The following SUPT3H variants were observed in gnomAD, a reference collection of about 807,000 sequenced individuals.
SUPT3H encodes the protein transcription initiation protein SPT3 homolog.
Under a neutral mutation model 44.3 loss-of-function variants are expected in SUPT3H, and 44 were observed. That is an observed-to-expected ratio of 0.99 (90% CI 0.78 to 1.28). SUPT3H has a LOEUF of 1.28. Ranked by LOEUF, SUPT3H falls within the 50% of genes most tolerant of loss-of-function variation. The pLI is 0.00. For synonymous variants in SUPT3H, 124 were observed against 125.6 expected (o/e 0.99, Z 0.09); for missense variants, 380 against 387.1 (o/e 0.98, Z 0.15).
At chr6:44,928,404 G>A (rs1562063724) in intron 10 of SUPT3H, among the ~76,000 whole-genome samples, 1 of 152,130 alleles carries the variant, frequency 6.6e-6, no homozygotes, top group Non-Finnish European at 1.5e-5. Context: ...TATACAGAAA[G>A]TGAGGTACGG....
intron 2 of SUPT3H, among the ~76,000 whole-genome samples, chr6:45,194,256 C>T (rs1815635615): frequency 6.6e-6 from 1 of 151,948 alleles, no homozygotes; most frequent in Admixed American, 6.6e-5. Flanking sequence ...AAACACAACA[C>T]ATGTATCCCT....
intron 9 of SUPT3H, among the ~76,000 whole-genome samples, chr6:44,945,144 T>A (rs1471741797): frequency 2.0e-5 from 3 of 152,178 alleles, no homozygotes; most frequent in Non-Finnish European, 4.4e-5. Context: ...ACTATTGTAA[T>A]TGTCTTGGGG....
chr6:45,358,295 A>T (rs1487808213), intron 2 of SUPT3H, among the ~76,000 whole-genome samples: 2 of 152,200 alleles, frequency 1.3e-5, no homozygotes, highest in Admixed American at 1.3e-4. Context: ...GCTAAACTTA[A>T]ATAAAATCTA....
chr6:45,038,801 C>T (rs768252293), intron 3 of SUPT3H, among the ~76,000 whole-genome samples: 3 of 151,820 alleles, frequency 2.0e-5, no homozygotes, highest in Non-Finnish European at 2.9e-5. Flanking sequence ...TGTATTATAC[C>T]TTGGTATAAA....
intron 2 of SUPT3H, among the ~76,000 whole-genome samples, chr6:45,143,505 G>A (rs1030965895): frequency 6.6e-6 from 1 of 151,986 alleles, no homozygotes; most frequent in Non-Finnish European, 1.5e-5. Flanking sequence ...TCTTTGAACT[G>A]AATAACAGTG....
At chr6:45,328,874 T>C (rs1246678169) in intron 2 of SUPT3H, 8 of 1,334,970 alleles carry the variant, frequency 6.0e-6, no homozygotes, top group African/African-American at 1.4e-5. Context: ...CTTTTCCAAA[T>C]AGCATATTAA....
At chr6:45,221,335 C>A (rs1034228689) in intron 2 of SUPT3H, among the ~76,000 whole-genome samples, 1 of 152,044 alleles carries the variant, frequency 6.6e-6, no homozygotes, top group East Asian at 1.9e-4. Context: ...CACACCTGCA[C>A]GTTGTGCACA....
At chr6:45,167,046 CA>C (rs1810006525) in intron 2 of SUPT3H, among the ~76,000 whole-genome samples, 1 of 152,076 alleles carries the variant, frequency 6.6e-6, no homozygotes, top group Non-Finnish European at 1.5e-5. Flanking sequence ...ATAAAGTAAT[CA>C]AATAATTTTT....
At chr6:45,076,126 T>C (rs1256736574) in intron 3 of SUPT3H, among the ~76,000 whole-genome samples, 3 of 152,274 alleles carry the variant, frequency 2.0e-5, no homozygotes, top group African/African-American at 7.2e-5. Context: ...ATATGTTTAA[T>C]AAATGAGCCA....
intron 10 of SUPT3H, among the ~76,000 whole-genome samples, chr6:44,901,388 GT>G (rs1442689540): frequency 1.3e-5 from 2 of 152,216 alleles, no homozygotes; most frequent in Non-Finnish European, 2.9e-5. Context: ...ACAAGCCTCA[GT>G]AGCCGATATG....
chr6:45,321,804 A>G, intron 2 of SUPT3H: 1 of 1,604,188 alleles, frequency 6.2e-7, no homozygotes, highest in Non-Finnish European at 8.5e-7. Flanking sequence ...ACCTGCCAGA[A>G]TCATTCAGCA....
At chr6:45,092,012 A>T (rs768183724) in intron 3 of SUPT3H, among the ~76,000 whole-genome samples, 1 of 152,016 alleles carries the variant, frequency 6.6e-6, no homozygotes, top group African/African-American at 2.4e-5. Flanking sequence ...TTTAATATAT[A>T]TTTTCTGGAA....
chr6:45,130,184 A>T (rs1219904292), intron 2 of SUPT3H, among the ~76,000 whole-genome samples: 2 of 151,654 alleles, frequency 1.3e-5, no homozygotes, highest in Admixed American at 1.3e-4. Flanking sequence ...CCCCATTCTC[A>T]CCCCCTCTCT....
chr6:45,080,072 A>G (rs2153557886), intron 3 of SUPT3H, among the ~76,000 whole-genome samples: 1 of 152,310 alleles, frequency 6.6e-6, no homozygotes, highest in Non-Finnish European at 1.5e-5. Context: ...CAATAACCAG[A>G]ATATATAAGG....
Position 44,858,830 on chromosome 6 carries a change from T to C in SUPT3H, c.913-28973A>G, listed in dbSNP as rs16872750. ...AGGACTTAATGATATTTTTGGGATA[T>C]ATTTGCTATAATACATTTTGCCTGT... On this transcript the variant is annotated intron_variant, in intron 10 of 10. Coordinates refer to ENST00000371459, the MANE Select transcript of SUPT3H (RefSeq NM_003599.4). Among the ~76,000 whole-genome samples, 1,720 of 152,298 alleles carry C rather than the reference T, an allele frequency of 0.011. 94 individuals are homozygous for C. In the East Asian group the frequency reaches 0.13, roughly 12 times the overall value.
chr6:44,888,437 C>T (rs1762701753), intron 10 of SUPT3H, among the ~76,000 whole-genome samples: 1 of 152,148 alleles, frequency 6.6e-6, no homozygotes, highest in African/African-American at 2.4e-5. Flanking sequence ...GGGCTTCATC[C>T]CTGGGATGCA....
chr6:44,869,075 G>C (rs990735430), intron 10 of SUPT3H, among the ~76,000 whole-genome samples: 2 of 152,238 alleles, frequency 1.3e-5, no homozygotes, highest in Non-Finnish European at 2.9e-5. Context: ...ATGCTGATGA[G>C]ACTCTGTGCT....
intron 2 of SUPT3H, among the ~76,000 whole-genome samples, chr6:45,114,759 C>T (rs1800593352): frequency 6.6e-6 from 1 of 152,094 alleles, no homozygotes; most frequent in African/African-American, 2.4e-5. Flanking sequence ...TATAAACCGT[C>T]CCTATTTGAG....
intron 2 of SUPT3H, among the ~76,000 whole-genome samples, chr6:45,304,853 T>C (rs1333346985): frequency 6.6e-6 from 1 of 152,144 alleles, no homozygotes; most frequent in East Asian, 1.9e-4. Flanking sequence ...AATAATGTAC[T>C]TAAAATGAAA....
Sources: gnomAD v4.1 joint callset for allele counts (sites outside exome capture counted in the v4.1 genomes callset) on GRCh38, gnomAD v4.1.1 for gene constraint, MANE v1.5 for transcripts, NCBI Gene and HGNC (gene_info 2026-07-23, HGNC 2026-07-21) for gene names.